TACC2: variants seen among roughly 807,000 people sequenced by gnomAD.
TACC2 encodes transforming acidic coiled-coil containing protein 2.
In TACC2, 137 loss-of-function variants were observed where a neutral mutation model predicts 227.3. That is an observed-to-expected ratio of 0.60 (90% CI 0.52 to 0.69). The LOEUF (loss-of-function observed/expected upper bound fraction) is 0.69. TACC2 is among the 30% of genes least tolerant of loss of function. TACC2 has a pLI of 0.00. For synonymous variants in TACC2, 1,523 were observed against 1,487.5 expected (o/e 1.02, Z -0.55); for missense variants, 3,470 against 3,694.4 (o/e 0.94, Z 1.57).
intron 16 of TACC2, among the ~76,000 whole-genome samples, chr10:122,232,422 T>C (rs1183537039): frequency 6.6e-6 from 1 of 152,214 alleles, no homozygotes; most frequent in East Asian, 1.9e-4. Flanking sequence ...TGGCAAATAA[T>C]GGCCAGGAGT....
chr10:122,236,627 C>T (rs1175273161), intron 16 of TACC2, among the ~76,000 whole-genome samples: 1 of 152,220 alleles, frequency 6.6e-6, no homozygotes, highest in African/African-American at 2.4e-5. Context: ...TATCTGTCCT[C>T]CACAAAAGGC....
At chr10:122,049,551 A>AC (rs889399741) in intron 2 of TACC2, among the ~76,000 whole-genome samples, 1 of 151,932 alleles carries the variant, frequency 6.6e-6, no homozygotes, top group African/African-American at 2.4e-5. Flanking sequence ...AAGAAGGCAG[A>AC]CCCCATCCCA....
At chr10:122,219,528 G>A (rs951259312) in intron 11 of TACC2, among the ~76,000 whole-genome samples, 5 of 152,210 alleles carry the variant, frequency 3.3e-5, no homozygotes, top group Admixed American at 6.5e-5. Flanking sequence ...CAGGTCAACA[G>A]CTTAGTAATG....
Position 122,254,020 on chromosome 10 carries a change from T to A in TACC2, c.8811T>A (p.Ile2937=), listed in dbSNP as rs2096297133. The change falls in exon 23 of 23, where the codon ATT becomes ATA. Residue 2937 remains isoleucine (I), a synonymous_variant. Transcript: ENST00000369005. ...KNKEIEELTK[I]CDELIAKMGK... ...AAGAAATAGAAGAACTCACCAAGAT[T>A]TGTGACGAACTGATTGCCAAAATGG... 6.2e-7 allele frequency: 1 copy of A among 1,614,076 alleles called. No individual in the cohort carries two copies. The highest frequency in any genetic ancestry group is 1.3e-5 in the African/African-American group (1 of 74,926).
At chr10:122,216,330 CA>C (rs2095406304) in intron 10 of TACC2, among the ~76,000 whole-genome samples, 1 of 151,862 alleles carries the variant, frequency 6.6e-6, no homozygotes, top group Non-Finnish European at 1.5e-5. Flanking sequence ...ACAGCAGTCA[CA>C]GTCGTAAAAC....
At chr10:122,119,228 T>G (rs1240464999) in intron 5 of TACC2, among the ~76,000 whole-genome samples, 1 of 152,244 alleles carries the variant, frequency 6.6e-6, no homozygotes, top group Non-Finnish European at 1.5e-5. Context: ...TTTCAAGTAA[T>G]GCATTTATCT....
At position 122,082,677 on chromosome 10, in the gene TACC2, C is replaced by G; in HGVS notation, c.177C>G (p.Cys59Trp). 6.2e-7 allele frequency: 1 copy of G among 1,613,496 alleles called. No homozygotes were observed. The highest frequency in any genetic ancestry group is 8.5e-7 in the Non-Finnish European group (1 of 1,179,702). The stretch of plus-strand genomic sequence containing the variant: ...GCAGCGTTGGGCTTGGAGGCTTCTG[C>G]ACCGCTTCTGAGAGTTCTGCCAGCC... ...SIGSVGLGGF[C>W]TASESSASLD... Residue 59 changes from cysteine (C) to tryptophan (W), a missense_variant, in exon 4 of 23, where the codon TGC becomes TGG. By Grantham distance (215) the Cys-to-Trp change is radical. This residue lies in a region of TACC2 where 405 missense variants were observed against 389.6 expected (regional missense o/e 1.04). Transcript: ENST00000369005.
At chr10:122,183,781 G>C (rs2094066264) in intron 7 of TACC2, among the ~76,000 whole-genome samples, 1 of 152,170 alleles carries the variant, frequency 6.6e-6, no homozygotes, top group South Asian at 2.1e-4. Flanking sequence ...AGTTGGGTCA[G>C]GCTGAGGCTC....
chr10:122,068,067 C>A (rs1376180596), intron 3 of TACC2, among the ~76,000 whole-genome samples: 2 of 152,108 alleles, frequency 1.3e-5, no homozygotes, highest in Admixed American at 1.3e-4. Flanking sequence ...ATCGCTATAT[C>A]TTGAAGTTCA....
intron 2 of TACC2, among the ~76,000 whole-genome samples, chr10:122,038,761 A>C (rs1245649792): frequency 6.6e-6 from 1 of 152,136 alleles, no homozygotes; most frequent in Non-Finnish European, 1.5e-5. Flanking sequence ...TGCATTTCTA[A>C]AGCGCTAAGT....
chr10:122,015,728 T>C (rs1956520372), intron 1 of TACC2, among the ~76,000 whole-genome samples: 2 of 151,326 alleles, frequency 1.3e-5, no homozygotes, highest in African/African-American at 4.9e-5. Flanking sequence ...GGTGCATGCC[T>C]GTAATCCCAG....
At chr10:122,119,163 C>T (rs1319452266) in intron 5 of TACC2, among the ~76,000 whole-genome samples, 6 of 152,178 alleles carry the variant, frequency 3.9e-5, no homozygotes, top group South Asian at 2.1e-4. Flanking sequence ...CCTGGTAACA[C>T]TATTAGACTT....
intron 3 of TACC2, among the ~76,000 whole-genome samples, chr10:122,076,427 C>A (rs2078816273): frequency 1.3e-5 from 2 of 152,204 alleles, no homozygotes; most frequent in South Asian, 4.1e-4. Context: ...AACATTCATT[C>A]AATCCATTGC....
rs1463934938 is a variant in TACC2, at chr10:122,068,852, AG to A, written c.147-13794del. Among the ~76,000 whole-genome samples the A allele has an allele frequency of 6.8e-3, 563 of 83,388 alleles. 16 individuals carry two copies. The highest frequency in any genetic ancestry group is 7.4e-3 in the Non-Finnish European group (303 of 41,030). The allele number at this position is 83,388 out of a possible 152,430, so 54.7% of individuals were successfully genotyped here. A position where few individuals can be genotyped will look rare whatever the true frequency, so the allele number is the denominator to read the frequency against. On this transcript the variant is annotated intron_variant, in intron 3 of 22. Coordinates refer to ENST00000369005, the MANE Select transcript of TACC2 (RefSeq NM_206862.4). Reference sequence around the variant, plus strand: ...CATTTTTCTGTCTGTGTGACCTAGAAGTTTTTTTTTTTTTTTTTTGTATTTT... The same window carrying A: ...CATTTTTCTGTCTGTGTGACCTAGAATTTTTTTTTTTTTTTTTTGTATTTT...
At chr10:122,164,103 C>A in intron 7 of TACC2, 1 of 1,334,544 alleles carries the variant, frequency 7.5e-7, no homozygotes, top group Non-Finnish European at 1.0e-6. Flanking sequence ...CCCAGGCTGG[C>A]CTGGGGTTCT....
At position 122,228,057 on chromosome 10, in the gene TACC2, A is replaced by G. The variant is rs548669247; in HGVS notation, c.7896+49A>G. On this transcript the variant is annotated intron_variant, in intron 14 of 22. Coordinates refer to ENST00000369005, the MANE Select transcript of TACC2 (RefSeq NM_206862.4). ...GATCACAGGGGATGAGGTGTGGGCC[A>G]GCTGCGTATTGTCACCAAGAAGGCC... 120 of 1,569,162 alleles carry G rather than the reference A, an allele frequency of 7.6e-5. 1 individual carries two copies. In the South Asian group the frequency reaches 1.3e-3, roughly 17 times the overall value.
intron 16 of TACC2, among the ~76,000 whole-genome samples, chr10:122,236,990 A>G (rs918585792): frequency 2.0e-5 from 3 of 152,214 alleles, no homozygotes; most frequent in Non-Finnish European, 4.4e-5. Flanking sequence ...AAACTAGGAA[A>G]ACATAGACTA....
chr10:122,024,534 G>A (rs1399506620), intron 2 of TACC2, among the ~76,000 whole-genome samples: 1 of 152,148 alleles, frequency 6.6e-6, no homozygotes, highest in Non-Finnish European at 1.5e-5. Flanking sequence ...TTGCCCTTCT[G>A]TAGCCACACC....
chr10:122,081,162 T>C (rs1436188436), intron 3 of TACC2, among the ~76,000 whole-genome samples: 1 of 151,458 alleles, frequency 6.6e-6, no homozygotes, highest in Non-Finnish European at 1.5e-5. Flanking sequence ...GTATTTTTTC[T>C]GATTTTTTTT....
Sources: gnomAD v4.1 joint callset for allele counts (sites outside exome capture counted in the v4.1 genomes callset) on GRCh38, gnomAD v4.1.1 for gene constraint, gnomAD v4.1.1 regional missense constraint, MANE v1.5 for transcripts, NCBI Gene and HGNC (gene_info 2026-07-23, HGNC 2026-07-21) for gene names.